PCDH10: variants seen among roughly 807,000 people sequenced by gnomAD.
The protein encoded by PCDH10 is protocadherin 10, also known as protocadherin-10.
In PCDH10, 15 loss-of-function variants were observed where a neutral mutation model predicts 74.4. The ratio of observed to expected loss-of-function variants is 0.20; its 90% CI spans 0.13 to 0.31. The LOEUF (loss-of-function observed/expected upper bound fraction) is 0.31. Among genes scored for constraint, PCDH10 ranks in the 10% least tolerant of loss-of-function variants. The probability of loss-of-function intolerance (pLI) is 1.00; values close to 1 mark genes in which losing one functional copy is unlikely to be tolerated. For missense variants in PCDH10, 1,260 were observed against 1,390.2 expected (o/e 0.91, Z 1.49); for synonymous variants, 619 against 589.8 (o/e 1.05, Z -0.72).
At chr4:133,204,853 C>T (rs531698385) in intron 2 of PCDH10, among the ~76,000 whole-genome samples, 3 of 152,198 alleles carry the variant, frequency 2.0e-5, no homozygotes, top group Non-Finnish European at 4.4e-5. Flanking sequence ...TTATTAGTCA[C>T]ATCTTCTCAC....
chr4:133,166,723 A>G (rs1727090262), intron 4 of PCDH10, among the ~76,000 whole-genome samples: 1 of 151,546 alleles, frequency 6.6e-6, no homozygotes, highest in South Asian at 2.1e-4. Flanking sequence ...TTCAGTTCCT[A>G]TCAGCTTAAA....
intron 4 of PCDH10, among the ~76,000 whole-genome samples, chr4:133,178,949 T>G (rs1395832414): frequency 1.3e-5 from 2 of 152,154 alleles, no homozygotes; most frequent in Non-Finnish European, 2.9e-5. Flanking sequence ...TCCTAAATTT[T>G]GTTGCTGTGG....
At chr4:133,206,493 T>C (rs1356241372) in intron 2 of PCDH10, among the ~76,000 whole-genome samples, 2 of 152,208 alleles carry the variant, frequency 1.3e-5, no homozygotes, top group African/African-American at 4.8e-5. Context: ...ATTTGTGCTG[T>C]CAATTACTAA....
intron 4 of PCDH10, among the ~76,000 whole-genome samples, chr4:133,180,852 A>G (rs1727401642): frequency 6.6e-6 from 1 of 151,852 alleles, no homozygotes; most frequent in South Asian, 2.1e-4. Context: ...TCTAATTAGA[A>G]TGTAATTAAA....
intron 4 of PCDH10, among the ~76,000 whole-genome samples, chr4:133,181,535 A>C (rs1434662323): frequency 6.6e-6 from 1 of 152,066 alleles, no homozygotes; most frequent in African/African-American, 2.4e-5. Context: ...ACAGCTACTA[A>C]AAATTATTCA....
chr4:133,155,352 A>G (rs1302238293), intron 3 of PCDH10, among the ~76,000 whole-genome samples: 1 of 152,232 alleles, frequency 6.6e-6, no homozygotes, highest in Non-Finnish European at 1.5e-5. Context: ...TCTTCAGTCA[A>G]TTAAGGTATT....
At chr4:133,184,801 T>TATGTATATATATGTAAATATATAA in intron 4 of PCDH10, among the ~76,000 whole-genome samples, 1 of 141,652 alleles carries the variant, frequency 7.1e-6, no homozygotes, top group Admixed American at 7.3e-5. Context: ...TATATTTATA[T>TATGTATATATATGTAAATATATAA]ATATATATTT....
chr4:133,151,097 A>G lies in PCDH10; in HGVS notation c.957A>G (p.Glu319=), dbSNP rs752679579. 20 of 1,614,092 alleles carry G rather than the reference A, an allele frequency of 1.2e-5. No homozygotes were observed. Among genetic ancestry groups the G allele is most frequent in the Non-Finnish European group, 1.7e-5 (20 of 1,180,004 alleles). The stretch of plus-strand genomic sequence containing the variant: ...AGGTAAGCGGCGAGTTGGACTATGA[A>G]GAGAGCCCAGTGTACCAAGTGTACG... ...RLEVSGELDY[E]ESPVYQVYVQ... is the part of the protein sequence containing the mutation. The change falls in exon 1 of 5, where the codon GAA becomes GAG. Residue 319 remains glutamate, a synonymous_variant. Coordinates refer to ENST00000264360, the MANE Select transcript of PCDH10 (RefSeq NM_032961.3).
intron 2 of PCDH10, among the ~76,000 whole-genome samples, chr4:133,205,316 C>T (rs970165406): frequency 1.3e-5 from 2 of 152,154 alleles, no homozygotes; most frequent in Non-Finnish European, 2.9e-5. Flanking sequence ...TGACTCATGT[C>T]AAATTTTTCT....
intron 4 of PCDH10, among the ~76,000 whole-genome samples, chr4:133,174,101 C>A (rs1440672196): frequency 2.0e-5 from 3 of 151,818 alleles, no homozygotes; most frequent in African/African-American, 7.2e-5. Context: ...ATCACGTCAT[C>A]CTCTATTGAA....
In PCDH10 at chr4:133,150,969, C is replaced by A. The variant is rs751594784; in HGVS notation, c.829C>A (p.Pro277Thr). The A allele has an allele frequency of 6.2e-7, 1 of 1,613,886 alleles. No individual in the cohort carries two copies. The highest frequency in any genetic ancestry group is 8.5e-7 in the Non-Finnish European group (1 of 1,180,052). ...CGTGATCCAGCTCAACGCCACCGAC[C>A]CGGACGAGGGCCAGAACGGTGAGGT... ...TLVIQLNATD[P>T]DEGQNGEVVY... Residue 277 changes from proline to threonine, a missense_variant, in exon 1 of 5, where the codon CCG (proline) becomes ACG (threonine). This residue lies in a region of PCDH10 where 192 missense variants were observed against 161.2 expected (regional missense o/e 1.19). Transcript: ENST00000264360.
intron 4 of PCDH10, among the ~76,000 whole-genome samples, chr4:133,177,370 A>C (rs1179180469): frequency 6.6e-6 from 1 of 152,164 alleles, no homozygotes; most frequent in African/African-American, 2.4e-5. Flanking sequence ...CAGAACTAAC[A>C]AATAGTGTCA....
chr4:133,160,321 G>T (rs1373027916), intron 3 of PCDH10, among the ~76,000 whole-genome samples: 1 of 151,556 alleles, frequency 6.6e-6, no homozygotes, highest in Admixed American at 6.6e-5. Flanking sequence ...TTAATTCATA[G>T]ATTTATTAAG....
Position 133,152,408 on chromosome 4 carries a change from C to T in PCDH10, c.2268C>T (p.Cys756=), listed in dbSNP as rs34726859. 129 of 1,614,076 alleles carry T rather than the reference C, an allele frequency of 8.0e-5. No individual in the cohort carries two copies. The highest frequency in any genetic ancestry group is 1.1e-4 in the Non-Finnish European group (126 of 1,180,054). ...LNIYTCLASD[C]CLCCCCCGGG... ...TCTATACTTGTCTGGCCAGCGATTG[C>T]TGCCTCTGCTGCTGCTGCTGCGGTG... The change falls in exon 1 of 5, where the codon TGC becomes TGT. Residue 756 remains cysteine, a synonymous_variant. Coordinates refer to ENST00000264360, the MANE Select transcript of PCDH10 (RefSeq NM_032961.3).
chr4:133,203,700 T>C (rs1279145224), intron 2 of PCDH10, among the ~76,000 whole-genome samples: 1 of 152,242 alleles, frequency 6.6e-6, no homozygotes, highest in Non-Finnish European at 1.5e-5. Flanking sequence ...ATATTTTGAA[T>C]TTCTTAACAT....
intron 4 of PCDH10, among the ~76,000 whole-genome samples, chr4:133,182,761 G>A (rs368726735): frequency 2.0e-5 from 3 of 152,166 alleles, no homozygotes; most frequent in Non-Finnish European, 2.9e-5. Flanking sequence ...TGTTCTGTTT[G>A]TCAAATAGAG....
chr4:133,166,365 T>C (rs1432855692), intron 4 of PCDH10, among the ~76,000 whole-genome samples: 1 of 151,568 alleles, frequency 6.6e-6, no homozygotes, highest in Admixed American at 6.6e-5. Context: ...TAAATAATCA[T>C]GTTAAAATGA....
intron 4 of PCDH10, among the ~76,000 whole-genome samples, chr4:133,184,334 G>A (rs1012155170): frequency 2.0e-5 from 3 of 151,888 alleles, no homozygotes; most frequent in Non-Finnish European, 2.9e-5. Context: ...ATTAAGAACC[G>A]TAGTTTGGCA....
downstream of PCDH10, among the ~76,000 whole-genome samples, chr4:133,198,199 T>G (rs2125876551): frequency 6.6e-6 from 1 of 152,226 alleles, no homozygotes; most frequent in South Asian, 2.1e-4. Flanking sequence ...ATCAATGATT[T>G]ATTTTAACAT....
Sources: gnomAD v4.1 joint callset for allele counts (sites outside exome capture counted in the v4.1 genomes callset) on GRCh38, gnomAD v4.1.1 for gene constraint, gnomAD v4.1.1 regional missense constraint, MANE v1.5 for transcripts, NCBI Gene and HGNC (gene_info 2026-07-23, HGNC 2026-07-21) for gene names.